Variants in ABCC12 observed in about 807,000 individuals in gnomAD.
ABCC12 encodes ATP binding cassette subfamily C member 12.
In ABCC12, 142 loss-of-function variants were observed where a neutral mutation model predicts 151.1. The observed-to-expected ratio is 0.94, with a 90% confidence interval of 0.82 to 1.08. The LOEUF (loss-of-function observed/expected upper bound fraction) is 1.08, where lower values mean the gene tolerates loss of function less well. ABCC12 is among the 50% of genes least tolerant of loss of function. The probability of loss-of-function intolerance (pLI) is 0.00; values close to 1 mark genes in which losing one functional copy is unlikely to be tolerated. For synonymous variants in ABCC12, 645 were observed against 646.4 expected (o/e 1.00, Z 0.03); for missense variants, 1,638 against 1,691.1 (o/e 0.97, Z 0.55).
In ABCC12 at chr16:48,139,210, T is replaced by C. The variant is rs1964717840; in HGVS notation, c.784A>G (p.Thr262Ala). 6 of 1,613,868 alleles carry C rather than the reference T, an allele frequency of 3.7e-6. No individual in the cohort carries two copies. Among genetic ancestry groups the C allele is most frequent in the Non-Finnish European group, 5.1e-6 (6 of 1,179,958 alleles). ...AAYAFFILGP[T>A]ALIGISVYVI... ...TACACTGATATCCCGATGAGAGCTGTGGGCCCCAGAATGAAAAAGGCGTAC... is the reference window on the plus strand; with the variant it reads ...TACACTGATATCCCGATGAGAGCTGCGGGCCCCAGAATGAAAAAGGCGTAC... The change falls in exon 7 of 31, where the codon ACA (threonine) becomes GCA (alanine). Residue 262 changes from threonine to alanine, a missense_variant. Thr to Ala is a moderately conservative substitution (Grantham distance 58). Transcript: ENST00000311303.
intron 14 of ABCC12, among the ~76,000 whole-genome samples, chr16:48,116,341 G>T (rs1378656146): frequency 6.6e-6 from 1 of 152,170 alleles, no homozygotes; most frequent in Non-Finnish European, 1.5e-5. Context: ...GGGCAGGGTA[G>T]TTATGTACAT....
At position 48,141,219 on chromosome 16, in the gene ABCC12, G is replaced by C; in HGVS notation, c.410C>G (p.Ala137Gly). Reference protein sequence around the residue: ...IVANILCIIMAAIGPTVLIHQ... With the variant: ...IVANILCIIMGAIGPTVLIHQ... ...TGCCGCACTCACCGGCCCTATGGCT[G>C]CCATGATGATGCACAGGATGTTGGC... The change falls in exon 5 of 31, where the codon GCA becomes GGA. Residue 137 changes from alanine (A) to glycine (G), a missense_variant. By Grantham distance (60) the Ala-to-Gly change is moderately conservative. Transcript: ENST00000311303. 6.2e-7 allele frequency: 1 copy of C among 1,613,980 alleles called. No homozygotes were observed. Among genetic ancestry groups the C allele is most frequent in the Non-Finnish European group, 8.5e-7 (1 of 1,179,904 alleles).
intron 25 of ABCC12, among the ~76,000 whole-genome samples, chr16:48,089,798 A>C (rs1381742662): frequency 2.0e-5 from 3 of 152,374 alleles, no homozygotes; most frequent in South Asian, 4.1e-4. Context: ...ATATATTAAC[A>C]GAACTTGGGC....
At chr16:48,115,873 T>C (rs138197458) in intron 14 of ABCC12, among the ~76,000 whole-genome samples, 1 of 152,266 alleles carries the variant, frequency 6.6e-6, no homozygotes, top group Non-Finnish European at 1.5e-5. Context: ...CCCATGAGGA[T>C]TGAGGGGTGC....
intron 14 of ABCC12, among the ~76,000 whole-genome samples, chr16:48,116,901 C>T (rs543954262): frequency 1.1e-4 from 16 of 152,180 alleles, no homozygotes; most frequent in Non-Finnish European, 2.4e-4. Flanking sequence ...CCCCCATACT[C>T]CTGGCCTGGG....
At chr16:48,108,215 T>A (rs1274667371) in intron 19 of ABCC12, among the ~76,000 whole-genome samples, 1 of 152,116 alleles carries the variant, frequency 6.6e-6, no homozygotes, top group Non-Finnish European at 1.5e-5. Flanking sequence ...TCCACTCCAA[T>A]AAAAGAGAGT....
chr16:48,136,104 G>A (rs368586695), intron 8 of ABCC12, among the ~76,000 whole-genome samples: 122 of 152,298 alleles, frequency 8.0e-4, no homozygotes, highest in African/African-American at 2.7e-3. Flanking sequence ...GTTTGCTTGC[G>A]CAGGTTTGCT....
At position 48,111,904 on chromosome 16, in the gene ABCC12, C is replaced by A. The variant is rs186956235; in HGVS notation, c.1996G>T (p.Glu666Ter). 1 of 1,613,762 alleles carries A rather than the reference C, an allele frequency of 6.2e-7. No homozygotes were observed. Among genetic ancestry groups the A allele is most frequent in the East Asian group, 2.2e-5 (1 of 44,876 alleles). ...VLVTHQLQFL[E>*]SCDEVILLED... ...AATAAAATAACTTCATCACAAGACTCTAAGAACTGCAGAAGTAAGTGATCG... is the reference window on the plus strand; with the variant it reads ...AATAAAATAACTTCATCACAAGACTATAAGAACTGCAGAAGTAAGTGATCG... Residue 666 changes from glutamate (E) to a stop codon, truncating the protein, a stop_gained, in exon 16 of 31, where the codon GAG (glutamate) becomes TAG (stop). Transcript: ENST00000311303. LOFTEE classifies it high-confidence loss of function.
At position 48,141,246 on chromosome 16, in the gene ABCC12, A is replaced by G; in HGVS notation, c.383T>C (p.Val128Ala). 1 of 1,614,186 alleles carries G rather than the reference A, an allele frequency of 6.2e-7. No homozygotes were observed. The highest frequency in any genetic ancestry group is 1.6e-4 in the Middle Eastern group (1 of 6,062). The change falls in exon 5 of 31, where the codon GTG becomes GCG. Residue 128 changes from valine (V) to alanine (A), a missense_variant. Physicochemically the swap from Val to Ala is moderately conservative, Grantham distance 64. Transcript: ENST00000311303. ...FQRTRVLMDI[V>A]ANILCIIMAA... ...CATGATGATGCACAGGATGTTGGCC[A>G]CGATGTCCATCAACACGCGTGTCCT...
intron 21 of ABCC12, 91 bp from the exon 22 acceptor site, chr16:48,104,459 C>G: frequency 8.2e-7 from 1 of 1,219,086 alleles, no homozygotes; most frequent in Admixed American, 1.8e-5. Context: ...GAGCACAGGG[C>G]CTGACCTTTT....
At chr16:48,155,633 G>A (rs1327712869) in intron 1 of ABCC12, among the ~76,000 whole-genome samples, 1 of 152,210 alleles carries the variant, frequency 6.6e-6, no homozygotes. Flanking sequence ...CTCCAAAAGT[G>A]GAAGAGGGGC....
chr16:48,140,854 C>G lies in ABCC12; in HGVS notation c.490G>C (p.Gly164Arg), dbSNP rs141807269. 2 of 1,614,132 alleles carry G rather than the reference C, an allele frequency of 1.2e-6. No homozygotes were observed. The highest frequency in any genetic ancestry group is 1.7e-6 in the Non-Finnish European group (2 of 1,180,036). ...GTGGCAAAAAGGGCTATGCACAGTCCAATGCCAACCCAGACTTTCCCAGAG... is the reference window on the plus strand; with the variant it reads ...GTGGCAAAAAGGGCTATGCACAGTCGAATGCCAACCCAGACTTTCCCAGAG... Reference protein sequence around the residue: ...RTSGKVWVGIGLCIALFATEF... With the variant: ...RTSGKVWVGIRLCIALFATEF... Residue 164 changes from glycine (G) to arginine (R), a missense_variant, in exon 6 of 31, where the codon GGA becomes CGA. By Grantham distance (125) the Gly-to-Arg change is moderately radical. Transcript: ENST00000311303.
In ABCC12 at chr16:48,080,929, G is replaced by A. The variant is rs150535687; in HGVS notation, c.*2786C>T. 9.8e-5 allele frequency among the ~76,000 whole-genome samples: 15 copies of A among 152,330 alleles called. No individual in the cohort carries two copies. Among genetic ancestry groups the A allele is most frequent in the Non-Finnish European group, 1.8e-4 (12 of 68,028 alleles). ...TATTGCTCACAGTTCTGGACGCTGG[G>A]AAATCCATGGTCGAGGTGCCAACAG... On this transcript the variant is annotated 3_prime_UTR_variant, in exon 31 of 31. Coordinates refer to ENST00000311303, the MANE Select transcript of ABCC12 (RefSeq NM_001393797.1).
At chr16:48,140,596 G>C (rs1055726387) in intron 6 of ABCC12, 91 bp downstream of exon 6, 2 of 1,236,968 alleles carry the variant, frequency 1.6e-6, no homozygotes, top group African/African-American at 3.0e-5. Flanking sequence ...GCAAAAGGAA[G>C]GCAGGTGCTC....
intron 27 of ABCC12, 91 bp from the exon 28 acceptor site, chr16:48,086,910 G>C: frequency 3.8e-6 from 4 of 1,060,842 alleles, no homozygotes; most frequent in Non-Finnish European, 5.8e-6. Context: ...TGTGGAGGAG[G>C]GTAGGAGGTG....
At chr16:48,103,970 C>G (rs1156765507) in intron 22 of ABCC12, among the ~76,000 whole-genome samples, 172 bp downstream of exon 22, 4 of 151,968 alleles carry the variant, frequency 2.6e-5, no homozygotes, top group Non-Finnish European at 5.9e-5. Flanking sequence ...CTCAGGGTTG[C>G]TCTGGGGCTA....
intron 8 of ABCC12, among the ~76,000 whole-genome samples, chr16:48,136,872 G>A (rs930326687): frequency 6.6e-6 from 1 of 152,220 alleles, no homozygotes; most frequent in Non-Finnish European, 1.5e-5. Flanking sequence ...AGTTTCCTAA[G>A]GTTACAGTAA....
chr16:48,143,715 A>T (rs1964899164), intron 4 of ABCC12, among the ~76,000 whole-genome samples, 195 bp downstream of exon 4: 1 of 152,154 alleles, frequency 6.6e-6, no homozygotes, highest in Non-Finnish European at 1.5e-5. Flanking sequence ...CTCTGCACAC[A>T]CTGTCTTGCC....
chr16:48,155,701 T>C (rs570820955), intron 1 of ABCC12, 140 bp downstream of exon 1: 1 of 152,272 alleles, frequency 6.6e-6, no homozygotes, highest in East Asian at 1.9e-4. Context: ...CCCCATTCAG[T>C]GGTGTCACCT....
Sources: allele counts gnomAD v4.1 joint callset (sites outside exome capture counted in the v4.1 genomes callset), GRCh38; gene constraint gnomAD v4.1.1; transcripts MANE v1.5; gene names NCBI Gene and HGNC (gene_info 2026-07-23, HGNC 2026-07-21).